The following ATG5 variants were observed in gnomAD, a reference collection of about 807,000 sequenced individuals.
ATG5 encodes autophagy protein 5.
In ATG5, 14 loss-of-function variants were observed where a neutral mutation model predicts 36.5. The observed-to-expected ratio is 0.38, with a 90% CI of 0.25 to 0.60. The LOEUF (loss-of-function observed/expected upper bound fraction) is 0.60. Ranked by LOEUF, ATG5 falls within the 20% of genes least tolerant of loss-of-function variation. The probability of loss-of-function intolerance (pLI) is 0.60; values close to 1 mark genes in which losing one functional copy is unlikely to be tolerated. For missense variants in ATG5, 195 were observed against 326.7 expected (o/e 0.60, Z 3.11); for synonymous variants, 95 against 101.5 (o/e 0.94, Z 0.38).
Position 106,202,099 on chromosome 6 carries a change from A to G in ATG5, c.574-10T>C. ...GTCTTTCAGTCGTTGTCTATTTGAA[A>G]AAGGAAAAAATGATTCAAGCAATTA... On this transcript the variant is annotated splice_polypyrimidine_tract_variant and intron_variant, in intron 6 of 7. Transcript: ENST00000369076. The G allele has an allele frequency of 1.2e-6, 2 of 1,606,436 alleles. No individual in the cohort carries two copies. Among genetic ancestry groups the G allele is most frequent in the Non-Finnish European group, 1.7e-6 (2 of 1,174,014 alleles).
intron 6 of ATG5, among the ~76,000 whole-genome samples, chr6:106,235,181 C>T (rs147896663): frequency 1.2e-3 from 183 of 152,274 alleles, no homozygotes; most frequent in African/African-American, 4.3e-3. Context: ...AATATTGATA[C>T]TCCTCTTTGG....
intron 5 of ATG5, among the ~76,000 whole-genome samples, chr6:106,272,666 C>A (rs1048739126): frequency 1.3e-5 from 2 of 152,220 alleles, no homozygotes; most frequent in African/African-American, 4.8e-5. Flanking sequence ...GGGAAGGGAT[C>A]GTGCCTGTCA....
intron 6 of ATG5, among the ~76,000 whole-genome samples, chr6:106,204,237 AAAAT>A (rs1444288987): frequency 2.6e-5 from 4 of 152,334 alleles, no homozygotes; most frequent in East Asian, 1.9e-4. Context: ...ACAAAATGAA[AAAAT>A]AAATAAAAAT....
intron 5 of ATG5, among the ~76,000 whole-genome samples, chr6:106,248,569 T>C (rs1778441802): frequency 2.0e-5 from 3 of 152,222 alleles, no homozygotes; most frequent in South Asian, 2.1e-4. Flanking sequence ...TTGACTCTCC[T>C]GGTACTACTT....
At chr6:106,323,812 CTCAT>C (rs1486865318) in intron 1 of ATG5, among the ~76,000 whole-genome samples, 2 of 152,188 alleles carry the variant, frequency 1.3e-5, no homozygotes, top group South Asian at 2.1e-4. Context: ...CAAAACCCAA[CTCAT>C]TCAAAGTACA....
intron 4 of ATG5, among the ~76,000 whole-genome samples, chr6:106,287,974 CTTT>C (rs756510208): frequency 7.1e-6 from 1 of 140,512 alleles, no homozygotes. Context: ...CCACAATTAA[CTTT>C]TTTTTTTTTT....
intron 6 of ATG5, among the ~76,000 whole-genome samples, chr6:106,227,391 T>C (rs1049005702): frequency 1.3e-5 from 2 of 151,772 alleles, no homozygotes; most frequent in African/African-American, 4.8e-5. Context: ...AGGCAAGGAG[T>C]TGAAGACCAG....
chr6:106,289,319 C>T (rs983676421), intron 4 of ATG5, among the ~76,000 whole-genome samples: 6 of 151,976 alleles, frequency 3.9e-5, no homozygotes, highest in African/African-American at 1.4e-4. Flanking sequence ...TCAGTACAAG[C>T]TATCAATTAA....
intron 6 of ATG5, among the ~76,000 whole-genome samples, chr6:106,217,282 C>A (rs1016767420): frequency 6.6e-6 from 1 of 151,928 alleles, no homozygotes; most frequent in Non-Finnish European, 1.5e-5. Flanking sequence ...TAACTGTTCA[C>A]CAAAACTCAT....
intron 4 of ATG5, among the ~76,000 whole-genome samples, chr6:106,280,409 T>C (rs895695471): frequency 6.6e-6 from 1 of 152,094 alleles, no homozygotes; most frequent in African/African-American, 2.4e-5. Flanking sequence ...TATCAACAGG[T>C]AAATGAACAT....
chr6:106,229,111 T>C (rs1173712244), intron 6 of ATG5, among the ~76,000 whole-genome samples: 1 of 152,240 alleles, frequency 6.6e-6, no homozygotes, highest in Admixed American at 6.5e-5. Flanking sequence ...TCCTTACCTC[T>C]GAATCTACTT....
chr6:106,311,694 C>T (rs1770650550), intron 2 of ATG5, among the ~76,000 whole-genome samples: 1 of 152,022 alleles, frequency 6.6e-6, no homozygotes, highest in African/African-American at 2.4e-5. Flanking sequence ...TGATGAAAAG[C>T]CACAAAGGTT....
intron 6 of ATG5, among the ~76,000 whole-genome samples, chr6:106,214,838 T>G (rs1286216762): frequency 1.3e-5 from 2 of 152,188 alleles, no homozygotes; most frequent in African/African-American, 4.8e-5. Flanking sequence ...GTATTGCTTT[T>G]AAATTTTTAT....
chr6:106,223,304 AG>A (rs1303780793), intron 6 of ATG5, among the ~76,000 whole-genome samples: 1 of 152,234 alleles, frequency 6.6e-6, no homozygotes, highest in African/African-American at 2.4e-5. Context: ...AAGCAACTGA[AG>A]TCCTAGAAAA....
At position 106,279,661 on chromosome 6, in the gene ATG5, C is replaced by A; in HGVS notation, c.478G>T (p.Asp160Tyr). ...HKQLWMGLQN[D>Y]RFDQFWAINR... is the part of the protein sequence containing the mutation. ...TAAAATTAAACACTATTATACTTAC[C>A]ATTTTGCAATCCCATCCAGAGTTGC... Residue 160 changes from aspartate (D) to tyrosine (Y), a missense_variant and splice_region_variant, in exon 5 of 8, where the codon GAC becomes TAC. By Grantham distance (160) the Asp-to-Tyr change is radical (BLOSUM62 -3). Coordinates refer to ENST00000369076, the MANE Select transcript of ATG5 (RefSeq NM_004849.4). 1 of 1,586,532 alleles carries A rather than the reference C, an allele frequency of 6.3e-7. No homozygotes were observed. Among genetic ancestry groups the A allele is most frequent in the South Asian group, 1.2e-5 (1 of 85,550 alleles).
rs368161056 is a variant in ATG5 at position 106,318,424 on chromosome 6, C to T, written c.-58-2158G>A. Among the ~76,000 whole-genome samples, 3 of 152,120 alleles carry T rather than the reference C, an allele frequency of 2.0e-5. No individual in the cohort carries two copies. In the East Asian group the frequency reaches 5.8e-4, roughly 29 times the overall value. On this transcript the variant is annotated intron_variant, in intron 1 of 7. Transcript: ENST00000369076. ...GAATGACCAATGCTGCTTCTGAGTCCCTTCCCAAAAGAGATACAAATATAG... is the reference window on the plus strand; with the variant it reads ...GAATGACCAATGCTGCTTCTGAGTCTCTTCCCAAAAGAGATACAAATATAG...
intron 7 of ATG5, among the ~76,000 whole-genome samples, chr6:106,195,153 C>T (rs749561188): frequency 2.0e-5 from 3 of 152,184 alleles, no homozygotes; most frequent in Non-Finnish European, 4.4e-5. Flanking sequence ...AGAACAATGA[C>T]CTAAAGCACG....
intron 5 of ATG5, among the ~76,000 whole-genome samples, chr6:106,260,675 T>C (rs1379776451): frequency 6.6e-6 from 1 of 152,194 alleles, no homozygotes; most frequent in African/African-American, 2.4e-5. Flanking sequence ...GTCTTAAATG[T>C]GATTTTCACA....
intron 5 of ATG5, among the ~76,000 whole-genome samples, chr6:106,249,105 A>G (rs1778462375): frequency 6.6e-6 from 1 of 152,222 alleles, no homozygotes; most frequent in East Asian, 1.9e-4. Flanking sequence ...TTTCAATTTC[A>G]AATTTTTTAA....
Sources: gnomAD v4.1 joint callset for allele counts (sites outside exome capture counted in the v4.1 genomes callset) on GRCh38, gnomAD v4.1.1 for gene constraint, MANE v1.5 for transcripts, NCBI Gene and HGNC (gene_info 2026-07-23, HGNC 2026-07-21) for gene names.